The following EIF3D variants were observed in gnomAD, a reference collection of about 807,000 sequenced individuals.
The protein encoded by EIF3D is eukaryotic translation initiation factor 3 subunit D.
EIF3D carries 10 observed loss-of-function variants against 75.4 expected under a neutral mutation model. The ratio of observed to expected loss-of-function variants is 0.13; its 90% CI spans 0.08 to 0.22. The LOEUF is 0.22. Among genes scored for constraint, EIF3D ranks in the 10% least tolerant of loss-of-function variants. EIF3D has a pLI of 1.00. For synonymous variants in EIF3D, 246 were observed against 248.3 expected (o/e 0.99, Z 0.09); for missense variants, 394 against 708.0 (o/e 0.56, Z 5.03).
At chr22:36,512,941 G>A (rs1603498483) in intron 12 of EIF3D, 1 of 194,384 alleles carries the variant, frequency 5.1e-6, no homozygotes, top group East Asian at 1.4e-4. Flanking sequence ...TGGTAAGGAA[G>A]GGCTTCACAG....
chr22:36,520,218 A>G (rs1205609198), intron 7 of EIF3D, among the ~76,000 whole-genome samples: 2 of 151,280 alleles, frequency 1.3e-5, no homozygotes, highest in Non-Finnish European at 2.9e-5. Flanking sequence ...GTGCAATGGC[A>G]AGATCTCAGC....
chr22:36,527,547 G>A (rs76892231), intron 1 of EIF3D, among the ~76,000 whole-genome samples: 3 of 152,298 alleles, frequency 2.0e-5, no homozygotes, highest in South Asian at 2.1e-4. Flanking sequence ...CACTACACAA[G>A]TATTTCTTGG....
Position 36,529,101 on chromosome 22 carries a change from T to G in EIF3D, c.-36A>C. The G allele has an allele frequency of 2.5e-6, 1 of 394,362 alleles. No individual in the cohort carries two copies. Among genetic ancestry groups the G allele is most frequent in the Non-Finnish European group, 4.5e-6 (1 of 223,706 alleles). 24.4% of individuals were successfully genotyped at this position (394,362 alleles called of 1,614,324 possible). ...CTGCAATGGCCTCGGCCGGCCGGGA[T>G]GGCAACAGATGGTGCGTGCCGGGGA... is the stretch of plus-strand genomic sequence containing the variant. On this transcript the variant is annotated 5_prime_UTR_variant, in exon 1 of 15. Transcript: ENST00000216190.
In EIF3D at chr22:36,511,627, C is replaced by T. The variant is rs1934338580; in HGVS notation, c.1509G>A (p.Glu503=). 1 of 1,614,110 alleles carries T rather than the reference C, an allele frequency of 6.2e-7. No individual in the cohort carries two copies. Among genetic ancestry groups the T allele is most frequent in the South Asian group, 1.1e-5 (1 of 91,080 alleles). The part of the protein sequence containing the change: ...CVIDICMKLE[E]GKYLILKDPN... ...GGTCCTTGAGGATGAGGTATTTGCCCTCCTCCAGCTTCATGCAGATGTCAA... is the reference window on the plus strand; with the variant it reads ...GGTCCTTGAGGATGAGGTATTTGCCTTCCTCCAGCTTCATGCAGATGTCAA... Residue 503 remains glutamate (E), a synonymous_variant, in exon 14 of 15, where the codon GAG becomes GAA. Transcript: ENST00000216190.
intron 9 of EIF3D, among the ~76,000 whole-genome samples, chr22:36,518,093 TA>T (rs952254496): frequency 1.6e-4 from 25 of 152,142 alleles, no homozygotes; most frequent in African/African-American, 6.0e-4. Context: ...TTATGGTGTA[TA>T]AATACATATA....
chr22:36,519,581 C>G (rs763194675), intron 7 of EIF3D, 44 bp from the exon 8 acceptor site: 8 of 1,607,002 alleles, frequency 5.0e-6, no homozygotes, highest in Admixed American at 3.4e-5. Flanking sequence ...AGAGAGATAA[C>G]CCCCAGTTTT....
chr22:36,512,440 C>T lies in EIF3D; in HGVS notation c.1349+20G>A. ...TTCCTTTCACAAGATCAGCTGCCAG[C>T]TCCTGCACAGGAATCTCACCCAAGC... On this transcript the variant is annotated intron_variant, in intron 13 of 14. Transcript: ENST00000216190. 3 of 1,613,656 alleles carry T rather than the reference C, an allele frequency of 1.9e-6. No individual in the cohort carries two copies. In the South Asian group the frequency reaches 3.3e-5, roughly 18 times the overall value.
At chr22:36,523,107 A>C in intron 6 of EIF3D, 102 bp downstream of exon 6, 1 of 983,006 alleles carries the variant, frequency 1.0e-6, no homozygotes, top group Non-Finnish European at 1.6e-6. Flanking sequence ...AAAACCACTA[A>C]ATTGTACGGT....
Position 36,519,501 on chromosome 22 carries a change from G to A in EIF3D, c.615C>T (p.Ala205=). 6.2e-7 allele frequency: 1 copy of A among 1,614,182 alleles called. No individual in the cohort carries two copies. The highest frequency in any genetic ancestry group is 8.5e-7 in the Non-Finnish European group (1 of 1,180,036). The part of the protein sequence containing the change: ...CCGALEYYDK[A]FDRITTRSEK... ...CACTCCTCGTGGTGATGCGGTCAAA[G>A]GCTTTGTCGTAGTATTCTAGGGCCC... Residue 205 remains alanine (A), a synonymous_variant, in exon 8 of 15, where the codon GCC becomes GCT. Transcript: ENST00000216190.
chr22:36,526,242 C>T (rs766923783), intron 1 of EIF3D, 111 bp from the exon 2 acceptor site: 39 of 1,199,532 alleles, frequency 3.3e-5, no homozygotes, highest in Middle Eastern at 2.8e-4. Context: ...AAAAGCAACA[C>T]GCAAAATGGA....
intron 13 of EIF3D, 90 bp downstream of exon 13, chr22:36,512,370 G>C: frequency 1.3e-6 from 2 of 1,539,128 alleles, no homozygotes; most frequent in Non-Finnish European, 1.8e-6. Flanking sequence ...CCAGTCAATT[G>C]TCCAGTACAC....
chr22:36,516,547 G>A lies in EIF3D; in HGVS notation c.1137C>T (p.Gly379=), dbSNP rs752360300. The A allele has an allele frequency of 2.5e-6, 4 of 1,614,100 alleles. No individual in the cohort carries two copies. The highest frequency in any genetic ancestry group is 2.2e-5 in the South Asian group (2 of 91,070). ...CTTCCCCGTTGGCTCCAGTCATGACGCCATCGTGCTCACAACGGACAATAA... is the reference window on the plus strand; with the variant it reads ...CTTCCCCGTTGGCTCCAGTCATGACACCATCGTGCTCACAACGGACAATAA... ...IDLIVRCEHD[G]VMTGANGEVS... The change falls in exon 12 of 15, where the codon GGC becomes GGT. Residue 379 remains glycine, a synonymous_variant. Coordinates refer to ENST00000216190, the MANE Select transcript of EIF3D (RefSeq NM_003753.4).
At chr22:36,525,015 C>T (rs1316315847) in intron 3 of EIF3D, among the ~76,000 whole-genome samples, 1 of 152,194 alleles carries the variant, frequency 6.6e-6, no homozygotes, top group Non-Finnish European at 1.5e-5. Flanking sequence ...ACCCATTTCA[C>T]TCTCTGCGTT....
chr22:36,527,488 G>A (rs1210649609), intron 1 of EIF3D, among the ~76,000 whole-genome samples: 4 of 152,206 alleles, frequency 2.6e-5, no homozygotes, highest in Admixed American at 2.0e-4. Context: ...TTTATCTTCC[G>A]TTGTAACCTT....
chr22:36,526,087 T>A lies in EIF3D; in HGVS notation c.35A>T (p.Asn12Ile). The A allele has an allele frequency of 6.2e-7, 1 of 1,612,070 alleles. No homozygotes were observed. The part of the protein sequence containing the change: ...AKFMTPVIQD[N>I]PSGWGPCAVP... ...CGCACAGGGACCCCAGCCTGAGGGG[T>A]TGTCCTGGATCACGGGTGTCATGAA... Residue 12 changes from asparagine to isoleucine, a missense_variant, in exon 2 of 15, where the codon AAC becomes ATC. Coordinates refer to ENST00000216190, the MANE Select transcript of EIF3D (RefSeq NM_003753.4).
intron 12 of EIF3D, among the ~76,000 whole-genome samples, chr22:36,515,791 G>A (rs73886817): frequency 0.023 from 3,494 of 151,862 alleles, 132 homozygotes; most frequent in African/African-American, 0.081. Context: ...CAGGCACGAC[G>A]GCCCTGAATG....
chr22:36,511,479 C>T (rs781573342), intron 14 of EIF3D, 24 bp downstream of exon 14: 1 of 1,612,804 alleles, frequency 6.2e-7, no homozygotes, highest in African/African-American at 1.3e-5. Context: ...CACTCTAGAC[C>T]TCAGAAAGTG....
chr22:36,524,560 G>A (rs1165449126), intron 4 of EIF3D, 36 bp downstream of exon 4: 2 of 1,613,286 alleles, frequency 1.2e-6, no homozygotes, highest in Non-Finnish European at 1.7e-6. Context: ...AACAGTAACA[G>A]CCCCAAGATG....
rs1331115196 is a variant in EIF3D at position 36,524,794 on chromosome 22, G to A, written c.170-62C>T. 3 of 1,605,510 alleles carry A rather than the reference G, an allele frequency of 1.9e-6. No homozygotes were observed. The African/African-American group carries it at 4.0e-5, about 21-fold the overall frequency. On this transcript the variant is annotated intron_variant, in intron 3 of 14. Transcript: ENST00000216190. ...CACAGACTTTACCAGATATGCACCA[G>A]TCTAAAGCCTTGCTATTTCAAGTGT...
Sources: allele counts gnomAD v4.1 joint callset (sites outside exome capture counted in the v4.1 genomes callset), GRCh38; gene constraint gnomAD v4.1.1; transcripts MANE v1.5; gene names NCBI Gene and HGNC (gene_info 2026-07-23, HGNC 2026-07-21).